The following NAV2 variants were observed in gnomAD, a reference collection of about 807,000 sequenced individuals.
The protein encoded by NAV2 is helicase, APC down-regulated 1.
A neutral mutation model predicts 223.2 loss-of-function variants in NAV2; 54 were observed. That is an observed-to-expected ratio of 0.24 (90% CI 0.19 to 0.30). NAV2 has a LOEUF of 0.30. Among genes scored for constraint, NAV2 ranks in the 10% least tolerant of loss-of-function variants. NAV2 has a pLI of 1.00. For missense variants in NAV2, 2,806 were observed against 3,147.5 expected (o/e 0.89, Z 2.60); for synonymous variants, 1,279 against 1,239.3 (o/e 1.03, Z -0.67).
chr11:19,505,064 G>A (rs993263257), intron 1 of NAV2: 1 of 152,218 alleles, frequency 6.6e-6, no homozygotes, highest in Non-Finnish European at 1.5e-5. Context: ...CACCCCTTGG[G>A]GGAATACACT....
At chr11:19,455,334 A>C (rs1229633971) in intron 1 of NAV2, among the ~76,000 whole-genome samples, 1 of 152,228 alleles carries the variant, frequency 6.6e-6, no homozygotes, top group Non-Finnish European at 1.5e-5. Flanking sequence ...TCTGTTTACC[A>C]TATCCCTAGC....
Position 20,037,228 on chromosome 11 carries a change from G to A in NAV2, c.2907+1131G>A, listed in dbSNP as rs112192879. Among the ~76,000 whole-genome samples, 593 of 151,986 alleles carry A rather than the reference G, an allele frequency of 3.9e-3. 1 individual carries two copies. The highest frequency in any genetic ancestry group is 0.013 in the South Asian group (63 of 4,794). On this transcript the variant is annotated intron_variant, in intron 12 of 37. Coordinates refer to ENST00000349880, the MANE Select transcript of NAV2 (RefSeq NM_145117.5). The stretch of plus-strand genomic sequence containing the variant: ...ACAAAGTCTCTCAGAGCAACCTTGC[G>A]GGGAGGCAGAACTAGCACTGCCCCG...
intron 1 of NAV2, among the ~76,000 whole-genome samples, chr11:19,612,082 G>GGAGCT (rs2046662073): frequency 6.6e-6 from 1 of 152,208 alleles, no homozygotes; most frequent in Non-Finnish European, 1.5e-5. Flanking sequence ...CATGGAAGCT[G>GGAGCT]CCAAGGCTTG....
intron 10 of NAV2, among the ~76,000 whole-genome samples, chr11:19,977,798 CTTTTTT>C (rs1221334182): frequency 8.8e-5 from 8 of 90,806 alleles, no homozygotes; most frequent in African/African-American, 2.9e-4. Context: ...CAACTTTTTT[CTTTTTT>C]TTTTTTTTTT....
intron 1 of NAV2, among the ~76,000 whole-genome samples, chr11:19,556,303 C>G (rs1479854926): frequency 6.6e-6 from 1 of 152,170 alleles, no homozygotes; most frequent in Non-Finnish European, 1.5e-5. Flanking sequence ...TATCATGCCA[C>G]CATTAAAAAT....
At position 20,092,189 on chromosome 11, in the gene NAV2, T is replaced by C; in HGVS notation, c.5653-17T>C. Reference sequence around the variant, plus strand: ...TACTTCTGCCTACTAAGGGAGCTTCTCCATTACTCTTTGCAGAGTGAAATA... The same window carrying C: ...TACTTCTGCCTACTAAGGGAGCTTCCCCATTACTCTTTGCAGAGTGAAATA... On this transcript the variant is annotated splice_polypyrimidine_tract_variant and intron_variant, in intron 27 of 37. Coordinates refer to ENST00000349880, the MANE Select transcript of NAV2 (RefSeq NM_145117.5). The C allele has an allele frequency of 1.2e-6, 2 of 1,608,882 alleles. No individual in the cohort carries two copies. Among genetic ancestry groups the C allele is most frequent in the Non-Finnish European group, 8.5e-7 (1 of 1,175,760 alleles).
At chr11:19,422,629 C>G (rs1850665795) in intron 1 of NAV2, among the ~76,000 whole-genome samples, 1 of 152,114 alleles carries the variant, frequency 6.6e-6, no homozygotes. Context: ...GCGCACTGGC[C>G]AGAAACTGCT....
intron 1 of NAV2, among the ~76,000 whole-genome samples, chr11:19,612,022 G>A (rs1039523480): frequency 1.5e-4 from 23 of 152,352 alleles, no homozygotes; most frequent in African/African-American, 5.0e-4. Flanking sequence ...CTAGACGGAT[G>A]TTCCCAAACC....
chr11:19,400,543 C>G (rs1011130789), intron 1 of NAV2, among the ~76,000 whole-genome samples: 1 of 152,210 alleles, frequency 6.6e-6, no homozygotes, highest in Non-Finnish European at 1.5e-5. Context: ...AGCATCAACT[C>G]TGGCTAATTG....
At chr11:19,920,905 C>T (rs1353752356) in intron 6 of NAV2, among the ~76,000 whole-genome samples, 2 of 152,166 alleles carry the variant, frequency 1.3e-5, no homozygotes, top group Non-Finnish European at 2.9e-5. Flanking sequence ...ATGGGTGCTT[C>T]ATTTGCAAAA....
intron 1 of NAV2, among the ~76,000 whole-genome samples, chr11:19,512,504 A>G (rs1464117548): frequency 1.3e-5 from 2 of 152,198 alleles, no homozygotes; most frequent in South Asian, 2.1e-4. Context: ...GGAAAAAATT[A>G]AAAAGGAAGG....
intron 11 of NAV2, among the ~76,000 whole-genome samples, chr11:20,010,641 C>A (rs902456882): frequency 1.3e-5 from 2 of 152,210 alleles, no homozygotes; most frequent in Non-Finnish European, 2.9e-5. Context: ...TGGCTTTTAT[C>A]AAAATGTAGA....
At chr11:19,396,383 C>T (rs4489718) in intron 1 of NAV2, among the ~76,000 whole-genome samples, 137,850 of 152,126 alleles carry the variant, frequency 0.91, 63,981 homozygotes, top group East Asian at 1. Context: ...GTGGTGTCTG[C>T]CTTAGGTTGG....
intron 3 of NAV2, among the ~76,000 whole-genome samples, chr11:19,850,539 A>G (rs373995442): frequency 6.6e-6 from 1 of 152,170 alleles, no homozygotes; most frequent in Non-Finnish European, 1.5e-5. Context: ...ACAGCTGAGC[A>G]GTGCTTTGAG....
chr11:19,358,115 C>T (rs1168206086), intron 1 of NAV2, among the ~76,000 whole-genome samples: 1 of 152,164 alleles, frequency 6.6e-6, no homozygotes, highest in East Asian at 1.9e-4. Flanking sequence ...CTCTGACTCC[C>T]ATCCTCAGGG....
At chr11:19,774,573 T>C (rs1252678642) in intron 1 of NAV2, among the ~76,000 whole-genome samples, 1 of 152,148 alleles carries the variant, frequency 6.6e-6, no homozygotes, top group African/African-American at 2.4e-5. Context: ...GTCCATTTTC[T>C]TACTAGACTG....
At chr11:19,610,257 T>C (rs1411252818) in intron 1 of NAV2, among the ~76,000 whole-genome samples, 1 of 152,186 alleles carries the variant, frequency 6.6e-6, no homozygotes, top group Non-Finnish European at 1.5e-5. Context: ...TTCTTTTATG[T>C]TTCAACTTGA....
At chr11:19,477,421 C>A (rs1486007698) in intron 1 of NAV2, among the ~76,000 whole-genome samples, 1 of 152,188 alleles carries the variant, frequency 6.6e-6, no homozygotes, top group Non-Finnish European at 1.5e-5. Flanking sequence ...GGGATTACTG[C>A]CCTCTGAGGT....
intron 6 of NAV2, among the ~76,000 whole-genome samples, chr11:19,898,364 T>A (rs1157456599): frequency 6.6e-6 from 1 of 152,224 alleles, no homozygotes; most frequent in Non-Finnish European, 1.5e-5. Flanking sequence ...TTTATGCACA[T>A]ATGATCACAT....
Sources: gnomAD v4.1 joint callset for allele counts (sites outside exome capture counted in the v4.1 genomes callset) on GRCh38, gnomAD v4.1.1 for gene constraint, MANE v1.5 for transcripts, NCBI Gene and HGNC (gene_info 2026-07-23, HGNC 2026-07-21) for gene names.